Variants in SPOCK3 observed in about 807,000 individuals in gnomAD.
The protein encoded by SPOCK3 is SPARC (osteonectin), cwcv and kazal like domains proteoglycan 3, also known as testican-3.
Under a neutral mutation model 56.6 loss-of-function variants are expected in SPOCK3, and 30 were observed. The ratio of observed to expected loss-of-function variants is 0.53; its 90% CI spans 0.40 to 0.72. The LOEUF (loss-of-function observed/expected upper bound fraction) is 0.72, where lower values mean the gene tolerates loss of function less well. SPOCK3 is among the 30% of genes least tolerant of loss of function. The pLI is 0.00. For synonymous variants in SPOCK3, 196 were observed against 183.3 expected, an observed-to-expected ratio of 1.07 and a Z score of -0.56; for missense variants, 527 against 530.0, an observed-to-expected ratio of 0.99 and a Z score of 0.06.
At chr4:166,852,040 C>A (rs567426650) in intron 6 of SPOCK3, among the ~76,000 whole-genome samples, 44 of 150,488 alleles carry the variant, frequency 2.9e-4, no homozygotes, top group African/African-American at 1.1e-3. Context: ...AGTAAACTAT[C>A]GCAAGAACAA....
chr4:166,908,272 TCACACACACACA>T (rs5863846), intron 5 of SPOCK3, among the ~76,000 whole-genome samples: 30 of 138,550 alleles, frequency 2.2e-4, no homozygotes, highest in East Asian at 4.4e-4. Flanking sequence ...ATGTTATTGT[TCACACACACACA>T]CACACACACA....
At chr4:166,866,013 C>T (rs1005056134) in intron 6 of SPOCK3, among the ~76,000 whole-genome samples, 2 of 152,070 alleles carry the variant, frequency 1.3e-5, no homozygotes, top group Non-Finnish European at 2.9e-5. Flanking sequence ...GGCATCATTG[C>T]TACCTGACTT....
chr4:166,810,404 A>T (rs868598992), intron 6 of SPOCK3, among the ~76,000 whole-genome samples: 219 of 152,104 alleles, frequency 1.4e-3, no homozygotes, highest in African/African-American at 5.2e-3. Context: ...GTGTCCTTGT[A>T]CTTTCTCAAA....
At chr4:167,000,862 G>C (rs1020532521) in intron 3 of SPOCK3, among the ~76,000 whole-genome samples, 6 of 152,086 alleles carry the variant, frequency 3.9e-5, no homozygotes, top group African/African-American at 1.4e-4. Context: ...AATGCTGGTG[G>C]GTCAATAAAA....
intron 3 of SPOCK3, among the ~76,000 whole-genome samples, chr4:167,062,124 C>CA (rs529183799): frequency 1.1e-3 from 166 of 151,260 alleles, no homozygotes; most frequent in African/African-American, 3.6e-3. Context: ...GGAAAAGAGG[C>CA]AAAAAAAGCC....
At chr4:166,867,499 C>T (rs888922315) in intron 6 of SPOCK3, among the ~76,000 whole-genome samples, 4 of 151,656 alleles carry the variant, frequency 2.6e-5, no homozygotes, top group African/African-American at 9.7e-5. Context: ...TAAGTAATCA[C>T]ATGTTGAGAT....
At chr4:166,958,601 T>A (rs1430398972) in intron 4 of SPOCK3, among the ~76,000 whole-genome samples, 1 of 152,102 alleles carries the variant, frequency 6.6e-6, no homozygotes, top group Non-Finnish European at 1.5e-5. Flanking sequence ...CTTAACTACA[T>A]AGTAAAATAT....
At chr4:166,807,771 G>A (rs555752617) in intron 6 of SPOCK3, among the ~76,000 whole-genome samples, 13 of 152,140 alleles carry the variant, frequency 8.5e-5, no homozygotes, top group African/African-American at 2.9e-4. Context: ...CTTACTATTT[G>A]TATTCCTTCC....
In SPOCK3 at chr4:166,950,056, T is replaced by C. The variant is rs896861788; in HGVS notation, c.351-37313A>G. 1.3e-5 allele frequency among the ~76,000 whole-genome samples: 2 copies of C among 150,676 alleles called. 1 individual carries two copies. Among genetic ancestry groups the C allele is most frequent in the African/African-American group, 5.0e-5 (2 of 40,252 alleles). The stretch of plus-strand genomic sequence containing the variant: ...CGAGCAAAATAACCAGCTAACTTCA[T>C]AATGACAGGATCAAATTCACACATA... On this transcript the variant is annotated intron_variant, in intron 4 of 10. Coordinates refer to ENST00000357545, the MANE Select transcript of SPOCK3 (RefSeq NM_001040159.2).
At chr4:166,841,085 G>A (rs1029691291) in intron 6 of SPOCK3, among the ~76,000 whole-genome samples, 1 of 151,430 alleles carries the variant, frequency 6.6e-6, no homozygotes, top group Non-Finnish European at 1.5e-5. Context: ...GCCCGCAGAA[G>A]TTTTTTTTTA....
At chr4:166,738,142 C>A (rs1052049283) in intron 9 of SPOCK3, among the ~76,000 whole-genome samples, 1 of 152,116 alleles carries the variant, frequency 6.6e-6, no homozygotes, top group Non-Finnish European at 1.5e-5. Context: ...CTCTCTCTTC[C>A]ACTTTAAGAT....
chr4:167,023,729 G>A (rs1394708458), intron 3 of SPOCK3, among the ~76,000 whole-genome samples: 2 of 151,978 alleles, frequency 1.3e-5, no homozygotes, highest in Non-Finnish European at 2.9e-5. Flanking sequence ...CCCTTACAGC[G>A]ATATGGTGAG....
chr4:167,227,467 T>A (rs1180213594), intron 2 of SPOCK3, among the ~76,000 whole-genome samples: 1 of 152,128 alleles, frequency 6.6e-6, no homozygotes, highest in African/African-American at 2.4e-5. Flanking sequence ...ATTTAGTAAG[T>A]ATTTTCTAGT....
At chr4:167,168,837 A>C (rs1304436848) in intron 2 of SPOCK3, among the ~76,000 whole-genome samples, 1 of 152,028 alleles carries the variant, frequency 6.6e-6, no homozygotes, top group Non-Finnish European at 1.5e-5. Context: ...GAGGCATAGG[A>C]GAAAAAAAAT....
chr4:166,916,346 G>A (rs935246272), intron 4 of SPOCK3, among the ~76,000 whole-genome samples: 1 of 151,910 alleles, frequency 6.6e-6, no homozygotes, highest in Non-Finnish European at 1.5e-5. Flanking sequence ...TCACTTCTAG[G>A]CAGTTGAATC....
Position 166,820,118 on chromosome 4 carries a change from C to T in SPOCK3, c.590-27829G>A, listed in dbSNP as rs534233804. ...TTCTCAGGAGAGTCTTTTTCGGAAA[C>T]AAGCAAGTTGACTAATTAAAACAGT... is the stretch of plus-strand genomic sequence containing the variant. On this transcript the variant is annotated intron_variant, in intron 6 of 10. Transcript: ENST00000357545. Among the ~76,000 whole-genome samples the T allele has an allele frequency of 5.6e-4, 85 of 151,994 alleles. 2 individuals carry two copies. The highest frequency in any genetic ancestry group is 1.0e-3 in the Non-Finnish European group (71 of 67,962).
intron 6 of SPOCK3, among the ~76,000 whole-genome samples, chr4:166,836,173 G>A (rs185324697): frequency 5.9e-5 from 9 of 152,230 alleles, no homozygotes; most frequent in Admixed American, 1.3e-4. Context: ...ATAAATAGAT[G>A]AAGTGAGGAC....
chr4:167,005,461 C>T (rs1218314037), intron 3 of SPOCK3, among the ~76,000 whole-genome samples: 4 of 152,034 alleles, frequency 2.6e-5, no homozygotes, highest in African/African-American at 7.2e-5. Context: ...GATCCGCCCG[C>T]CTCGGCCTCC....
intron 3 of SPOCK3, among the ~76,000 whole-genome samples, chr4:167,035,409 G>C (rs1752654492): frequency 6.6e-6 from 1 of 151,342 alleles, no homozygotes; most frequent in Admixed American, 6.6e-5. Flanking sequence ...AATGTAAGAT[G>C]TGATGAAAAA....
Sources: allele counts gnomAD v4.1 joint callset (sites outside exome capture counted in the v4.1 genomes callset), GRCh38; gene constraint gnomAD v4.1.1; transcripts MANE v1.5; gene names NCBI Gene and HGNC (gene_info 2026-07-23, HGNC 2026-07-21).